Variants in MDGA2 observed in about 807,000 individuals in gnomAD.
The protein encoded by MDGA2 is MAM domain containing glycosylphosphatidylinositol anchor 2.
MDGA2 carries 40 observed loss-of-function variants against 117.8 expected under a neutral mutation model. The ratio of observed to expected loss-of-function variants is 0.34; its 90% CI spans 0.26 to 0.44. The LOEUF (loss-of-function observed/expected upper bound fraction) is 0.44, where lower values mean the gene tolerates loss of function less well. Ranked by LOEUF, MDGA2 falls within the 20% of genes least tolerant of loss-of-function variation. MDGA2 has a pLI of 1.00. For missense variants in MDGA2, 1,123 were observed against 1,250.6 expected, an observed-to-expected ratio of 0.90 and a Z score of 1.54; for synonymous variants, 452 against 439.0, an observed-to-expected ratio of 1.03 and a Z score of -0.37.
chr14:47,673,843 T>G (rs1030353990), intron 1 of MDGA2, among the ~76,000 whole-genome samples: 1 of 151,970 alleles, frequency 6.6e-6, no homozygotes, highest in Non-Finnish European at 1.5e-5. Flanking sequence ...AGCGAGCTAG[T>G]GTCCTGCCCT....
chr14:47,663,808 T>C (rs370309363), intron 1 of MDGA2, among the ~76,000 whole-genome samples: 1 of 152,184 alleles, frequency 6.6e-6, no homozygotes, highest in Non-Finnish European at 1.5e-5. Flanking sequence ...TATAAATAAA[T>C]ATATCCCTAG....
rs1332067226 is a variant in MDGA2, at chr14:47,069,316, T to C, written c.1196-7738A>G. ...CTTCGTGTCACTTTACATTATTGGC[T>C]CTTCTTTCTTGAACATCTCTTTTAT... On this transcript the variant is annotated intron_variant, in intron 6 of 16. Transcript: ENST00000399232. Among the ~76,000 whole-genome samples the C allele has an allele frequency of 2.6e-5, 4 of 152,246 alleles. No individual in the cohort carries two copies. The East Asian group carries it at 7.7e-4, about 29-fold the overall frequency.
intron 1 of MDGA2, among the ~76,000 whole-genome samples, chr14:47,621,038 A>T (rs577819884): frequency 6.6e-6 from 1 of 152,320 alleles, no homozygotes; most frequent in South Asian, 2.1e-4. Flanking sequence ...TAAACAGAGC[A>T]AATCCTTTGA....
intron 1 of MDGA2, among the ~76,000 whole-genome samples, chr14:47,402,184 G>C (rs1009546349): frequency 1.3e-5 from 2 of 152,094 alleles, no homozygotes; most frequent in Non-Finnish European, 2.9e-5. Context: ...ATTAAAAGTG[G>C]AATTTCAGAC....
Position 47,253,487 on chromosome 14 carries a change from T to TA in MDGA2, c.421-35293dup, listed in dbSNP as rs1887514857. Among the ~76,000 whole-genome samples the TA allele has an allele frequency of 2.6e-5, 4 of 152,346 alleles. No individual in the cohort carries two copies. In the South Asian group the frequency reaches 8.3e-4, roughly 32 times the overall value. On this transcript the variant is annotated intron_variant, in intron 2 of 16. Coordinates refer to ENST00000399232, the MANE Select transcript of MDGA2 (RefSeq NM_001113498.3). Reference sequence around the variant, plus strand: ...ATTCAGTAGGGCAATCATTAAAACTTAAAGTTCCAAAACAATCTCCTTTGT... The same window carrying TA: ...ATTCAGTAGGGCAATCATTAAAACTTAAAAGTTCCAAAACAATCTCCTTTGT...
intron 8 of MDGA2, among the ~76,000 whole-genome samples, chr14:47,015,356 A>T (rs1378146957): frequency 6.6e-6 from 1 of 152,060 alleles, no homozygotes; most frequent in Non-Finnish European, 1.5e-5. Flanking sequence ...GACTTGCTGG[A>T]AACGAACCTT....
intron 8 of MDGA2, among the ~76,000 whole-genome samples, chr14:47,007,814 G>A (rs1453697451): frequency 6.6e-6 from 1 of 151,750 alleles, no homozygotes; most frequent in East Asian, 1.9e-4. Flanking sequence ...TCTCATGTAA[G>A]CGATACTCAT....
intron 3 of MDGA2, among the ~76,000 whole-genome samples, chr14:47,204,039 CAGAATT>C (rs1442624713): frequency 6.6e-6 from 1 of 151,848 alleles, no homozygotes; most frequent in African/African-American, 2.4e-5. Context: ...AAAATTCAAA[CAGAATT>C]AGAAATGAGC....
intron 1 of MDGA2, among the ~76,000 whole-genome samples, chr14:47,409,533 G>A (rs1347197891): frequency 6.6e-6 from 1 of 152,082 alleles, no homozygotes; most frequent in Non-Finnish European, 1.5e-5. Context: ...AAGCAACTGT[G>A]TATTTTCAGG....
chr14:47,255,524 T>A (rs1887589433), intron 2 of MDGA2, among the ~76,000 whole-genome samples: 1 of 152,232 alleles, frequency 6.6e-6, no homozygotes, highest in African/African-American at 2.4e-5. Context: ...TCAAAATTTA[T>A]ATGCAACTAC....
chr14:47,248,909 T>C (rs2139633573), intron 2 of MDGA2, among the ~76,000 whole-genome samples: 1 of 152,164 alleles, frequency 6.6e-6, no homozygotes, highest in East Asian at 1.9e-4. Flanking sequence ...AAAGTAAATT[T>C]ATGTTTCCCT....
intron 8 of MDGA2, among the ~76,000 whole-genome samples, chr14:46,999,883 C>T (rs1445621712): frequency 6.6e-6 from 1 of 151,970 alleles, no homozygotes; most frequent in Non-Finnish European, 1.5e-5. Flanking sequence ...CTCTGTCTAC[C>T]TTCACACATG....
intron 8 of MDGA2, among the ~76,000 whole-genome samples, chr14:47,026,064 T>G (rs1302963579): frequency 6.6e-6 from 1 of 152,146 alleles, no homozygotes; most frequent in African/African-American, 2.4e-5. Context: ...TGTCACATAA[T>G]ATAACCCAAC....
At chr14:47,492,612 AT>A (rs1297222671) in intron 1 of MDGA2, among the ~76,000 whole-genome samples, 1 of 152,106 alleles carries the variant, frequency 6.6e-6, no homozygotes, top group Non-Finnish European at 1.5e-5. Flanking sequence ...TTATAAGTTA[AT>A]TTTCATCACC....
intron 1 of MDGA2, among the ~76,000 whole-genome samples, chr14:47,523,587 G>T (rs1353345306): frequency 6.6e-6 from 1 of 152,056 alleles, no homozygotes; most frequent in African/African-American, 2.4e-5. Context: ...AAATGAAACT[G>T]TGAGGGATGA....
At chr14:47,534,643 C>A (rs1441225156) in intron 1 of MDGA2, among the ~76,000 whole-genome samples, 1 of 152,152 alleles carries the variant, frequency 6.6e-6, no homozygotes, top group Admixed American at 6.5e-5. Flanking sequence ...CCAAGTCCCC[C>A]CCTCCACATG....
At chr14:47,275,043 C>A (rs1396252196) in intron 2 of MDGA2, among the ~76,000 whole-genome samples, 1 of 152,106 alleles carries the variant, frequency 6.6e-6, no homozygotes, top group Non-Finnish European at 1.5e-5. Flanking sequence ...GTCCCATTTG[C>A]AGCACAAGCG....
At chr14:47,502,158 A>G (rs915826961) in intron 1 of MDGA2, among the ~76,000 whole-genome samples, 1 of 152,096 alleles carries the variant, frequency 6.6e-6, no homozygotes, top group South Asian at 2.1e-4. Flanking sequence ...AGCCTCTGCT[A>G]CTCAGGAGGC....
At chr14:47,343,181 A>G (rs2138329093) in intron 1 of MDGA2, 1 of 1,147,568 alleles carries the variant, frequency 8.7e-7, no homozygotes, top group Non-Finnish European at 1.1e-6. Flanking sequence ...TCATTCTGGT[A>G]CAGGCTCAAG....
Sources: allele counts gnomAD v4.1 joint callset (sites outside exome capture counted in the v4.1 genomes callset), GRCh38; gene constraint gnomAD v4.1.1; transcripts MANE v1.5; gene names NCBI Gene and HGNC (gene_info 2026-07-23, HGNC 2026-07-21).